The following BABAM2 variants were observed in gnomAD, a reference collection of about 807,000 sequenced individuals.
BABAM2 encodes the protein BRISC and BRCA1 A complex member 2.
A neutral mutation model predicts 54.7 loss-of-function variants in BABAM2; 31 were observed. The observed-to-expected ratio is 0.57, with a 90% CI of 0.43 to 0.77. The LOEUF is 0.77. Among genes scored for constraint, BABAM2 ranks in the 30% least tolerant of loss-of-function variants. The pLI is 0.00. For missense variants in BABAM2, 364 were observed against 455.8 expected (o/e 0.80, Z 1.83); for synonymous variants, 167 against 162.9 (o/e 1.03, Z -0.19).
intron 10 of BABAM2, among the ~76,000 whole-genome samples, chr2:28,281,348 T>C (rs1389617862): frequency 6.6e-6 from 1 of 152,218 alleles, no homozygotes; most frequent in East Asian, 1.9e-4. Context: ...TGTGATGTGA[T>C]TGGTATTTAG....
intron 7 of BABAM2, among the ~76,000 whole-genome samples, chr2:28,192,445 TAAA>T (rs61354708): frequency 6.9e-6 from 1 of 145,728 alleles, no homozygotes; most frequent in Non-Finnish European, 1.5e-5. Flanking sequence ...TAAAGTATAA[TAAA>T]AAAAAAAATA....
intron 5 of BABAM2, among the ~76,000 whole-genome samples, chr2:28,034,015 C>A (rs1573441597): frequency 6.6e-6 from 1 of 152,070 alleles, no homozygotes; most frequent in Admixed American, 6.5e-5. Context: ...TTTTAAAAAT[C>A]TTTGGCTTAT....
intron 4 of BABAM2, among the ~76,000 whole-genome samples, chr2:28,004,667 A>G (rs533387252): frequency 6.6e-6 from 1 of 151,834 alleles, no homozygotes; most frequent in Non-Finnish European, 1.5e-5. Context: ...ACAATTACAT[A>G]TAATTTGTGT....
At chr2:28,262,874 C>T (rs1684649936) in intron 10 of BABAM2, among the ~76,000 whole-genome samples, 1 of 152,088 alleles carries the variant, frequency 6.6e-6, no homozygotes. Flanking sequence ...TCACATGTCA[C>T]ACTGGACAGG....
chr2:28,334,665 C>A (rs1211392217), intron 11 of BABAM2, among the ~76,000 whole-genome samples: 1 of 152,208 alleles, frequency 6.6e-6, no homozygotes, highest in Non-Finnish European at 1.5e-5. Context: ...TCTCTCCGGC[C>A]GCACTTCCAT....
intron 2 of BABAM2, among the ~76,000 whole-genome samples, chr2:27,928,647 CT>C (rs1667881969): frequency 6.6e-6 from 1 of 152,150 alleles, no homozygotes; most frequent in African/African-American, 2.4e-5. Flanking sequence ...TTTATAGGTT[CT>C]TTTTTAGAAT....
chr2:28,136,735 C>G (rs1286391961), intron 7 of BABAM2, among the ~76,000 whole-genome samples: 1 of 152,166 alleles, frequency 6.6e-6, no homozygotes, highest in African/African-American at 2.4e-5. Context: ...CTCCCCTCCC[C>G]TGCCTTTACC....
chr2:28,080,920 T>C (rs531653291), intron 6 of BABAM2, among the ~76,000 whole-genome samples: 18 of 152,292 alleles, frequency 1.2e-4, no homozygotes, highest in African/African-American at 4.1e-4. Context: ...GTGGTAATAA[T>C]GTGAGCACAA....
chr2:28,127,120 C>G (rs1249431437), intron 6 of BABAM2, among the ~76,000 whole-genome samples: 1 of 152,008 alleles, frequency 6.6e-6, no homozygotes, highest in Non-Finnish European at 1.5e-5. Flanking sequence ...GTTTCTTTTG[C>G]TGTGCAGAAG....
At chr2:28,026,889 T>TATATATAAATATATATAAATATATATTA (rs1675818541) in intron 5 of BABAM2, among the ~76,000 whole-genome samples, 1 of 27,230 alleles carries the variant, frequency 3.7e-5, no homozygotes, top group African/African-American at 1.3e-4. Context: ...TATATATAGA[T>TATATATAAATATATATAAATATATATTA]ATATATAAAT....
At chr2:28,088,592 G>A (rs750096951) in intron 6 of BABAM2, among the ~76,000 whole-genome samples, 8 of 152,170 alleles carry the variant, frequency 5.3e-5, no homozygotes, top group Non-Finnish European at 1.5e-5. Context: ...CTAAGCCAGT[G>A]TTGCCCAACC....
intron 11 of BABAM2, among the ~76,000 whole-genome samples, chr2:28,303,231 C>T (rs1288707356): frequency 5.3e-5 from 8 of 152,012 alleles, no homozygotes; most frequent in Non-Finnish European, 1.0e-4. Context: ...CTGTTTTTTA[C>T]GTTAATGCTC....
intron 6 of BABAM2, among the ~76,000 whole-genome samples, chr2:28,060,630 A>G (rs987364501): frequency 6.6e-6 from 1 of 152,224 alleles, no homozygotes; most frequent in Non-Finnish European, 1.5e-5. Flanking sequence ...TAATAAGTGA[A>G]TTTTGTAATG....
At chr2:28,089,014 A>G (rs1234345692) in intron 6 of BABAM2, among the ~76,000 whole-genome samples, 1 of 151,992 alleles carries the variant, frequency 6.6e-6, no homozygotes, top group African/African-American at 2.4e-5. Context: ...TTACCAAAAG[A>G]TATTGTAAAA....
chr2:28,224,354 CAA>C (rs917278287), intron 7 of BABAM2, among the ~76,000 whole-genome samples: 5 of 152,134 alleles, frequency 3.3e-5, no homozygotes, highest in African/African-American at 9.7e-5. Flanking sequence ...AATTTAAAAA[CAA>C]GAAACAAAAC....
chr2:28,045,669 T>C, intron 5 of BABAM2, 56 bp from the exon 6 acceptor site: 1 of 1,469,604 alleles, frequency 6.8e-7, no homozygotes, highest in Non-Finnish European at 9.3e-7. Flanking sequence ...GCTATAATTG[T>C]CACTTCATAA....
At position 27,903,188 on chromosome 2, in the gene BABAM2, C is replaced by A. The variant is rs373080388; in HGVS notation, c.128+8504C>A. 3.3e-4 allele frequency among the ~76,000 whole-genome samples: 50 copies of A among 151,988 alleles called. No individual in the cohort carries two copies. In the East Asian group the frequency reaches 4.1e-3, roughly 12 times the overall value. ...TGTCAAGTTTATATCACACATGGGC[C>A]TGTTGCCAGGCTTTCTGTTTTGGTC... On this transcript the variant is annotated intron_variant, in intron 2 of 11. Coordinates refer to ENST00000379624, the MANE Select transcript of BABAM2 (RefSeq NM_199191.3).
intron 7 of BABAM2, among the ~76,000 whole-genome samples, chr2:28,150,193 ACT>A (rs1388642911): frequency 6.6e-6 from 1 of 152,120 alleles, no homozygotes; most frequent in Non-Finnish European, 1.5e-5. Flanking sequence ...AAGTGAAGAC[ACT>A]CTAGTTCAGA....
At chr2:28,099,485 G>A (rs569996377) in intron 6 of BABAM2, among the ~76,000 whole-genome samples, 2 of 152,184 alleles carry the variant, frequency 1.3e-5, no homozygotes, top group Non-Finnish European at 2.9e-5. Flanking sequence ...CCCTCTTTGC[G>A]TGATGAATTA....
Sources: allele counts gnomAD v4.1 joint callset (sites outside exome capture counted in the v4.1 genomes callset), GRCh38; gene constraint gnomAD v4.1.1; transcripts MANE v1.5; gene names NCBI Gene and HGNC (gene_info 2026-07-23, HGNC 2026-07-21).